The following NRXN1 variants were observed in gnomAD, a reference collection of about 807,000 sequenced individuals.
NRXN1 encodes the protein neurexin 1, also known as neurexin-1.
NRXN1 carries 39 observed loss-of-function variants against 150.9 expected under a neutral mutation model. That is an observed-to-expected ratio of 0.26 (90% CI 0.20 to 0.34). The LOEUF (loss-of-function observed/expected upper bound fraction) is 0.34. NRXN1 is among the 10% of genes least tolerant of loss of function. The pLI is 1.00. For missense variants in NRXN1, 1,815 were observed against 1,949.9 expected (o/e 0.93, Z 1.30); for synonymous variants, 924 against 757.0 (o/e 1.22, Z -3.62).
At chr2:50,993,405 G>A (rs1265980518) in intron 2 of NRXN1, among the ~76,000 whole-genome samples, 1 of 151,674 alleles carries the variant, frequency 6.6e-6, no homozygotes, top group Non-Finnish European at 1.5e-5. Context: ...TTCTGTTTTA[G>A]GTTCCCTTTG....
chr2:50,882,211 T>C (rs564344491), intron 5 of NRXN1, among the ~76,000 whole-genome samples: 1 of 152,030 alleles, frequency 6.6e-6, no homozygotes, highest in South Asian at 2.1e-4. Flanking sequence ...GATTTTCAGT[T>C]ACACATATAC....
Position 51,028,224 on chromosome 2 carries a change from G to C in NRXN1, c.50C>G (p.Ser17Trp). 6.8e-7 allele frequency: 1 copy of C among 1,476,812 alleles called. No individual in the cohort carries two copies. The highest frequency in any genetic ancestry group is 8.9e-7 in the Non-Finnish European group (1 of 1,121,100). 91.5% of individuals were successfully genotyped at this position (1,476,812 alleles called of 1,614,324 possible). The change falls in exon 2 of 23, where the codon TCG becomes TGG. Residue 17 changes from serine to tryptophan, a missense_variant. Physicochemically the swap from Ser to Trp is radical, Grantham distance 177. Around this residue, in one of 6 missense-constraint regions of NRXN1, gnomAD observed 554 missense variants for 478.8 expected, o/e 1.16. Coordinates refer to ENST00000401669, the MANE Select transcript of NRXN1 (RefSeq NM_001330078.2). ...QRGGCFLLCL[S>W]LLLLGCWAEL... ...CGCCCAGCAGCCCAGGAGCAGCAGC[G>C]AGAGGCACAGAAGAAAACAGCCCCC...
chr2:50,932,025 C>G (rs1314343527), intron 2 of NRXN1, among the ~76,000 whole-genome samples: 1 of 151,914 alleles, frequency 6.6e-6, no homozygotes, highest in African/African-American at 2.4e-5. Context: ...CCATGCTCTG[C>G]TAATTTTTGC....
At chr2:50,489,504 T>C (rs1407599898) in intron 15 of NRXN1, among the ~76,000 whole-genome samples, 3 of 139,174 alleles carry the variant, frequency 2.2e-5, no homozygotes, top group Non-Finnish European at 4.4e-5. Flanking sequence ...TTCTGAGCTA[T>C]GGTAAAGAAA....
At chr2:49,959,904 C>T (rs562268302) in intron 21 of NRXN1, among the ~76,000 whole-genome samples, 1 of 152,256 alleles carries the variant, frequency 6.6e-6, no homozygotes, top group African/African-American at 2.4e-5. Flanking sequence ...TTTGTCCTTG[C>T]CTAGCATATT....
At chr2:50,348,165 A>G (rs1296601387) in intron 17 of NRXN1, among the ~76,000 whole-genome samples, 1 of 152,166 alleles carries the variant, frequency 6.6e-6, no homozygotes, top group Non-Finnish European at 1.5e-5. Flanking sequence ...ATGGCTTGAT[A>G]CCTTGTACTC....
intron 17 of NRXN1, among the ~76,000 whole-genome samples, chr2:50,435,191 A>C (rs574879748): frequency 1.5e-4 from 23 of 152,334 alleles, no homozygotes; most frequent in African/African-American, 5.5e-4. Context: ...GATTCTGCAG[A>C]AATGGGTTCA....
chr2:50,908,920 T>C (rs1684129720), intron 5 of NRXN1, among the ~76,000 whole-genome samples: 1 of 152,048 alleles, frequency 6.6e-6, no homozygotes, highest in African/African-American at 2.4e-5. Context: ...CACTGGTTGC[T>C]AGTGCCATGC....
At chr2:50,861,830 C>A (rs2106035065) in intron 5 of NRXN1, among the ~76,000 whole-genome samples, 1 of 152,036 alleles carries the variant, frequency 6.6e-6, no homozygotes, top group South Asian at 2.1e-4. Flanking sequence ...AAAGCAAATC[C>A]ATTTCTCTAG....
At chr2:50,320,217 TTTC>T (rs1391356057) in intron 17 of NRXN1, among the ~76,000 whole-genome samples, 1 of 148,042 alleles carries the variant, frequency 6.8e-6, no homozygotes, top group African/African-American at 2.5e-5. Flanking sequence ...AAAGCTATTT[TTTC>T]TTATTTTATC....
chr2:50,308,480 G>A (rs919208598), intron 17 of NRXN1, among the ~76,000 whole-genome samples: 11 of 151,736 alleles, frequency 7.2e-5, no homozygotes, highest in East Asian at 1.9e-4. Context: ...GGCACATGCC[G>A]CAACTTCCAC....
At chr2:51,031,588 C>A (rs971410903) in intron 1 of NRXN1, among the ~76,000 whole-genome samples, 1 of 152,158 alleles carries the variant, frequency 6.6e-6, no homozygotes, top group Non-Finnish European at 1.5e-5. Context: ...TCTCTAAGCT[C>A]CATCTCTAAT....
intron 17 of NRXN1, among the ~76,000 whole-genome samples, chr2:50,374,769 A>ACAC (rs2080360750): frequency 6.6e-6 from 1 of 152,228 alleles, no homozygotes; most frequent in Non-Finnish European, 1.5e-5. Context: ...ACAATATTTT[A>ACAC]AAGTTATATT....
rs566849582 is a variant in NRXN1, at chr2:50,953,701, A to G, written c.773-27746T>C. ...CCTCGGCCTCCCAATAGCTGTGATTATAAGTACCCGCCACCATGCCTGGCT... is the reference window on the plus strand; with the variant it reads ...CCTCGGCCTCCCAATAGCTGTGATTGTAAGTACCCGCCACCATGCCTGGCT... On this transcript the variant is annotated intron_variant, in intron 2 of 22. Transcript: ENST00000401669. 2.6e-5 allele frequency among the ~76,000 whole-genome samples: 4 copies of G among 151,858 alleles called. No individual in the cohort carries two copies. In the South Asian group the frequency reaches 6.2e-4, roughly 24 times the overall value.
chr2:50,820,732 G>A (rs953154630), intron 5 of NRXN1, among the ~76,000 whole-genome samples: 2 of 152,050 alleles, frequency 1.3e-5, no homozygotes, highest in African/African-American at 2.4e-5. Flanking sequence ...AAACAAGGAG[G>A]AGCCTGGTGT....
At chr2:50,234,501 GACA>G (rs1270764910) in intron 18 of NRXN1, among the ~76,000 whole-genome samples, 5 of 151,824 alleles carry the variant, frequency 3.3e-5, no homozygotes, top group South Asian at 4.2e-4. Context: ...TCTCAACAAC[GACA>G]ACAACAACAA....
intron 18 of NRXN1, among the ~76,000 whole-genome samples, chr2:50,173,748 T>A (rs1351513548): frequency 6.6e-6 from 1 of 152,196 alleles, no homozygotes; most frequent in Non-Finnish European, 1.5e-5. Flanking sequence ...ATACATATCC[T>A]TAGGCCATTT....
At chr2:50,938,372 A>C (rs570014553) in intron 2 of NRXN1, among the ~76,000 whole-genome samples, 1 of 152,324 alleles carries the variant, frequency 6.6e-6, no homozygotes, top group East Asian at 1.9e-4. Flanking sequence ...AAACGCTGTT[A>C]TGCCACACCT....
At chr2:50,984,756 T>C (rs1012740411) in intron 2 of NRXN1, among the ~76,000 whole-genome samples, 7 of 152,052 alleles carry the variant, frequency 4.6e-5, no homozygotes, top group Non-Finnish European at 7.4e-5. Context: ...AATGTAGTTA[T>C]GAAGAAAGAG....
Sources: gnomAD v4.1 joint callset for allele counts (sites outside exome capture counted in the v4.1 genomes callset) on GRCh38, gnomAD v4.1.1 for gene constraint, gnomAD v4.1.1 regional missense constraint, MANE v1.5 for transcripts, NCBI Gene and HGNC (gene_info 2026-07-23, HGNC 2026-07-21) for gene names.